Variants in IQSEC2 observed in about 807,000 individuals in gnomAD.
IQSEC2 encodes IQ motif and SEC7 domain-containing protein 2.
In IQSEC2, 6 loss-of-function variants were observed where a neutral mutation model predicts 74.6. The observed-to-expected ratio is 0.08, with a 90% CI of 0.04 to 0.16. The LOEUF (loss-of-function observed/expected upper bound fraction) is 0.16. Among genes scored for constraint, IQSEC2 ranks in the 10% least tolerant of loss-of-function variants. IQSEC2 has a pLI of 1.00. For missense variants in IQSEC2, 734 were observed against 1,306.2 expected (o/e 0.56, Z 6.75); for synonymous variants, 494 against 544.5 (o/e 0.91, Z 1.29).
At chrX:53,275,902 C>T (rs1042187743) in intron 2 of IQSEC2, among the ~76,000 whole-genome samples, 27 of 107,172 alleles carry the variant, frequency 2.5e-4, no homozygotes, top group Non-Finnish European at 4.2e-4. Context: ...GGGGTTTCAC[C>T]GTGTTAGCCA....
chrX:53,241,969 G>A (rs181267127), intron 9 of IQSEC2, 60 bp from the exon 10 acceptor site: 2 of 1,173,163 alleles, frequency 1.7e-6, no homozygotes, highest in Non-Finnish European at 2.3e-6. Context: ...CAGGCCTCCT[G>A]GCACCTTAAC....
At chrX:53,239,781 A>G (rs898630211) in intron 10 of IQSEC2, among the ~76,000 whole-genome samples, 1 of 111,760 alleles carries the variant, frequency 8.9e-6, no homozygotes, top group Non-Finnish European at 1.9e-5. Flanking sequence ...TAGAGAGTTA[A>G]TAAGTCTTCC....
At chrX:53,267,601 C>T (rs1462449118) in intron 2 of IQSEC2, among the ~76,000 whole-genome samples, 2 of 111,339 alleles carry the variant, frequency 1.8e-5, no homozygotes, top group African/African-American at 6.5e-5. Flanking sequence ...CTCTAGAAAC[C>T]CACCCTGCTC....
At position 53,236,030 on chromosome X, in the gene IQSEC2, G is replaced by A. The variant is rs985967616; in HGVS notation, c.3452-198C>T. 3.6e-5 allele frequency among the ~76,000 whole-genome samples: 4 copies of A among 111,388 alleles called. No homozygotes were observed. The East Asian group carries it at 1.1e-3, about 32-fold the overall frequency. On this transcript the variant is annotated intron_variant, in intron 13 of 14. Transcript: ENST00000642864. Reference sequence around the variant, plus strand: ...AAGAGGAGGAAAAGATGGAGAAGGAGGAGTGGAGGTACAGGAGAGACAGAA... The same window carrying A: ...AAGAGGAGGAAAAGATGGAGAAGGAAGAGTGGAGGTACAGGAGAGACAGAA...
At chrX:53,292,282 A>C (rs1201818904) in intron 1 of IQSEC2, among the ~76,000 whole-genome samples, 1 of 111,931 alleles carries the variant, frequency 8.9e-6, no homozygotes, top group Non-Finnish European at 1.9e-5. Context: ...GGGCAGGGGC[A>C]AAGCCCAAGC....
intron 1 of IQSEC2, among the ~76,000 whole-genome samples, chrX:53,311,621 T>C (rs1424837540): frequency 5.4e-5 from 6 of 111,966 alleles, no homozygotes; most frequent in Non-Finnish European, 1.1e-4. Flanking sequence ...TCCCCCAGTT[T>C]AAAATGCTAC....
chrX:53,237,929 G>A, intron 12 of IQSEC2: 1 of 452,571 alleles, frequency 2.2e-6, no homozygotes, highest in Non-Finnish European at 3.9e-6. Flanking sequence ...GGAATAGTTG[G>A]CTCATAATTA....
At chrX:53,248,943 AT>A in intron 5 of IQSEC2, 61 bp from the exon 6 acceptor site, 1 of 1,132,841 alleles carries the variant, frequency 8.8e-7, no homozygotes. Flanking sequence ...TCTCTGTCTC[AT>A]TTGTTGAACT....
intron 2 of IQSEC2, among the ~76,000 whole-genome samples, chrX:53,276,770 C>T (rs1277441267): frequency 8.9e-6 from 1 of 112,245 alleles, no homozygotes; most frequent in East Asian, 2.8e-4. Context: ...CAAACTACCC[C>T]AATACAGCAG....
At chrX:53,232,042 C>T (rs782314197), downstream of IQSEC2, among the ~76,000 whole-genome samples, 2 of 111,850 alleles carry the variant, frequency 1.8e-5, no homozygotes, top group African/African-American at 3.3e-5. Context: ...AACCATGGCT[C>T]AACCCCACTT....
At chrX:53,258,644 C>T (rs1253765022) in intron 2 of IQSEC2, among the ~76,000 whole-genome samples, 1 of 109,232 alleles carries the variant, frequency 9.2e-6, no homozygotes, top group African/African-American at 3.4e-5. Flanking sequence ...CACATGAGGC[C>T]AGGAGTTCAA....
At chrX:53,309,477 T>C (rs1419784910) in intron 1 of IQSEC2, among the ~76,000 whole-genome samples, 1 of 112,428 alleles carries the variant, frequency 8.9e-6, no homozygotes, top group Middle Eastern at 4.2e-3. Context: ...ATGGGCAGGC[T>C]GATGATTCTG....
At chrX:53,302,023 C>G (rs183786294) in intron 1 of IQSEC2, among the ~76,000 whole-genome samples, 1 of 112,216 alleles carries the variant, frequency 8.9e-6, no homozygotes, top group African/African-American at 3.2e-5. Context: ...TCCAGCTATG[C>G]GATTTATGAC....
intron 1 of IQSEC2, among the ~76,000 whole-genome samples, chrX:53,303,523 G>A (rs1336022705): frequency 1.8e-5 from 2 of 111,484 alleles, no homozygotes; most frequent in African/African-American, 3.3e-5. Flanking sequence ...AAAGTAGGCC[G>A]GGCGTGGTGG....
chrX:53,310,450 C>A (rs782336374), intron 1 of IQSEC2, among the ~76,000 whole-genome samples: 2 of 111,463 alleles, frequency 1.8e-5, no homozygotes, highest in Non-Finnish European at 3.8e-5. Flanking sequence ...GCATTGTTAT[C>A]CCATTTTACA....
rs781847576 is a variant in IQSEC2, at chrX:53,313,607, G to A, written c.707+6810C>T. On this transcript the variant is annotated intron_variant, in intron 1 of 14. Coordinates refer to ENST00000642864, the MANE Select transcript of IQSEC2 (RefSeq NM_001111125.3). ...CCCCATGACCAATGTTTATGATCCT[G>A]CCAGGGAACACTGCAGTGAGTGAGG... Among the ~76,000 whole-genome samples the A allele has an allele frequency of 3.6e-5, 4 of 112,301 alleles. No individual in the cohort carries two copies. The Admixed American group carries it at 3.8e-4, about 11-fold the overall frequency.
chrX:53,239,921 A>T (rs1192803299), intron 10 of IQSEC2, among the ~76,000 whole-genome samples: 1 of 111,945 alleles, frequency 8.9e-6, no homozygotes, highest in East Asian at 2.8e-4. Context: ...TGGCACAATG[A>T]CGCAAAGCAC....
At chrX:53,265,750 G>A (rs782212421) in intron 2 of IQSEC2, among the ~76,000 whole-genome samples, 3 of 111,698 alleles carry the variant, frequency 2.7e-5, no homozygotes, top group South Asian at 3.8e-4. Flanking sequence ...ATTTAGGGTC[G>A]TTGCATTGGA....
chrX:53,262,954 A>C (rs1298555722), intron 2 of IQSEC2, among the ~76,000 whole-genome samples: 2 of 112,771 alleles, frequency 1.8e-5, no homozygotes, highest in East Asian at 5.6e-4. Flanking sequence ...AGAGAGATGA[A>C]GTAACCTGCC....
Sources: allele counts gnomAD v4.1 joint callset (sites outside exome capture counted in the v4.1 genomes callset), GRCh38; gene constraint gnomAD v4.1.1; transcripts MANE v1.5; gene names NCBI Gene and HGNC (gene_info 2026-07-23, HGNC 2026-07-21).